Variants in EYA2 observed in about 807,000 individuals in gnomAD.
EYA2 encodes the protein protein phosphatase EYA2.
A neutral mutation model predicts 69.2 loss-of-function variants in EYA2; 31 were observed. That is an observed-to-expected ratio of 0.45 (90% confidence interval 0.34 to 0.60). The LOEUF (loss-of-function observed/expected upper bound fraction) is 0.60, where lower values mean the gene tolerates loss of function less well. EYA2 is among the 20% of genes least tolerant of loss of function. The probability of loss-of-function intolerance (pLI) is 0.02; values close to 1 mark genes in which losing one functional copy is unlikely to be tolerated. For synonymous variants in EYA2, 257 were observed against 279.4 expected (o/e 0.92, Z 0.80); for missense variants, 622 against 701.2 (o/e 0.89, Z 1.28).
In EYA2 at chr20:46,943,046, G is replaced by A. The variant is rs4589820; in HGVS notation, c.-10-46955G>A. Among the ~76,000 whole-genome samples the A allele has an allele frequency of 6.8e-3, 1,031 of 152,338 alleles. 16 individuals are homozygous for A. Among genetic ancestry groups the A allele is most frequent in the African/African-American group, 0.023 (963 of 41,572 alleles). On this transcript the variant is annotated intron_variant, in intron 1 of 15. Transcript: ENST00000327619. ...CTCCCAAAGTGCTGGGATTATGGGCGTGAGCCTGCGCTCCCGGCTGGTTCT... is the reference window on the plus strand; with the variant it reads ...CTCCCAAAGTGCTGGGATTATGGGCATGAGCCTGCGCTCCCGGCTGGTTCT...
rs1175447084 is a variant in EYA2, at chr20:47,166,409, A to T, written c.979-2730A>T. Among the ~76,000 whole-genome samples the T allele has an allele frequency of 1.1e-3, 142 of 129,924 alleles. 4 individuals carry two copies. Among genetic ancestry groups the T allele is most frequent in the South Asian group, 9.9e-3 (41 of 4,144 alleles). 85.2% of individuals were successfully genotyped at this position (129,924 alleles called of 152,430 possible). A position where few individuals can be genotyped will look rare whatever the true frequency, so the allele number is the denominator to read the frequency against. On this transcript the variant is annotated intron_variant, in intron 10 of 15. Transcript: ENST00000327619. Reference sequence around the variant, plus strand: ...AAGACTGTCTAAAAAAAAAAAAAAAAAAAAAAAAAAAAAAAAAAAAAAGCT... The same window carrying T: ...AAGACTGTCTAAAAAAAAAAAAAAATAAAAAAAAAAAAAAAAAAAAAAGCT...
At chr20:47,116,987 C>G (rs2032912225) in intron 9 of EYA2, among the ~76,000 whole-genome samples, 1 of 141,990 alleles carries the variant, frequency 7.0e-6, no homozygotes, top group African/African-American at 2.7e-5. Context: ...ACTGAACATG[C>G]ATCTGCATTT....
At chr20:46,959,012 A>G (rs997304821) in intron 1 of EYA2, among the ~76,000 whole-genome samples, 7 of 152,212 alleles carry the variant, frequency 4.6e-5, no homozygotes, top group Non-Finnish European at 1.0e-4. Context: ...ATACACGTGT[A>G]TGTGCCTTTA....
At chr20:46,915,174 G>A (rs1383300343) in intron 1 of EYA2, among the ~76,000 whole-genome samples, 3 of 152,168 alleles carry the variant, frequency 2.0e-5, no homozygotes, top group South Asian at 2.1e-4. Context: ...GTGTGTACTC[G>A]CAACAAGCAA....
chr20:47,135,804 A>G (rs1278779909), intron 9 of EYA2, among the ~76,000 whole-genome samples: 1 of 137,282 alleles, frequency 7.3e-6, no homozygotes, highest in Non-Finnish European at 1.6e-5. Context: ...CAACATAAGG[A>G]GACCCTGTCT....
At chr20:46,926,499 T>A (rs556784413) in intron 1 of EYA2, among the ~76,000 whole-genome samples, 1 of 152,340 alleles carries the variant, frequency 6.6e-6, no homozygotes, top group East Asian at 1.9e-4. Flanking sequence ...GAGAAATTCC[T>A]TCTTCTTCTT....
intron 1 of EYA2, among the ~76,000 whole-genome samples, chr20:46,964,681 C>A: frequency 6.6e-6 from 1 of 152,200 alleles, no homozygotes; most frequent in East Asian, 1.9e-4. Context: ...TCAGAACAAC[C>A]CCATTGGTAA....
At chr20:47,159,707 A>G (rs2034024891) in intron 10 of EYA2, among the ~76,000 whole-genome samples, 2 of 152,032 alleles carry the variant, frequency 1.3e-5, no homozygotes, top group Non-Finnish European at 2.9e-5. Context: ...AAACTATTCC[A>G]GGCCAGCCAC....
At chr20:47,005,477 T>A (rs1982648917) in intron 4 of EYA2, among the ~76,000 whole-genome samples, 1 of 152,208 alleles carries the variant, frequency 6.6e-6, no homozygotes, top group African/African-American at 2.4e-5. Context: ...AGATGGTGCC[T>A]GTCCACTCAA....
intron 9 of EYA2, among the ~76,000 whole-genome samples, chr20:47,100,921 T>C (rs2032405518): frequency 6.6e-6 from 1 of 152,244 alleles, no homozygotes; most frequent in African/African-American, 2.4e-5. Context: ...GACCACAGCC[T>C]CTACAGTCTT....
chr20:47,184,958 G>A (rs796802220), intron 15 of EYA2, among the ~76,000 whole-genome samples: 42 of 152,284 alleles, frequency 2.8e-4, no homozygotes, highest in African/African-American at 9.6e-4. Context: ...AAAAGTCCCA[G>A]TGTCTGAGGC....
chr20:47,065,883 A>G (rs944150271), intron 5 of EYA2, among the ~76,000 whole-genome samples: 2 of 152,158 alleles, frequency 1.3e-5, no homozygotes, highest in South Asian at 4.1e-4. Flanking sequence ...GTATCTGTTC[A>G]TTTGATTGTT....
chr20:47,078,018 A>G (rs748429287), intron 7 of EYA2, among the ~76,000 whole-genome samples: 2 of 152,236 alleles, frequency 1.3e-5, no homozygotes, highest in East Asian at 3.8e-4. Context: ...TGGCAAACGA[A>G]AAACTTACCT....
intron 1 of EYA2, among the ~76,000 whole-genome samples, chr20:46,924,399 G>T (rs962156720): frequency 1.3e-5 from 2 of 152,094 alleles, no homozygotes; most frequent in African/African-American, 4.8e-5. Flanking sequence ...GGCCGGGCAC[G>T]CTGGCTCACG....
chr20:47,150,519 G>A (rs1258130721), intron 10 of EYA2, among the ~76,000 whole-genome samples: 1 of 150,568 alleles, frequency 6.6e-6, no homozygotes, highest in Non-Finnish European at 1.5e-5. Flanking sequence ...CCAAGCTGGA[G>A]TGCAGTGGCA....
At chr20:47,118,318 T>C (rs6122554) in intron 9 of EYA2, among the ~76,000 whole-genome samples, 69,500 of 152,020 alleles carry the variant, frequency 0.46, 16,791 homozygotes, top group East Asian at 0.68. Flanking sequence ...TGATTGGGCT[T>C]CTCCAGCAGT....
intron 1 of EYA2, among the ~76,000 whole-genome samples, chr20:46,980,540 A>G (rs1351535545): frequency 6.6e-6 from 1 of 152,254 alleles, no homozygotes; most frequent in African/African-American, 2.4e-5. Flanking sequence ...ATACGTTCAT[A>G]TAATGTATAC....
Position 47,097,070 on chromosome 20 carries a change from T to G in EYA2, c.805-15T>G, listed in dbSNP as rs929948413. The G allele has an allele frequency of 6.2e-7, 1 of 1,602,742 alleles. No homozygotes were observed. Among genetic ancestry groups the G allele is most frequent in the Non-Finnish European group, 8.5e-7 (1 of 1,172,974 alleles). ...AGTCCATTTTTCTCCATTCTCTTCC[T>G]CTCTTTCATCACAGCGTGTGTTCGT... On this transcript the variant is annotated splice_polypyrimidine_tract_variant and intron_variant, in intron 8 of 15. Transcript: ENST00000327619.
chr20:47,145,647 C>A (rs556574623), intron 10 of EYA2, among the ~76,000 whole-genome samples: 3 of 152,194 alleles, frequency 2.0e-5, no homozygotes, highest in South Asian at 4.1e-4. Context: ...ACCTGTAATC[C>A]CAGCACTTTG....
Sources: gnomAD v4.1 joint callset for allele counts (sites outside exome capture counted in the v4.1 genomes callset) on GRCh38, gnomAD v4.1.1 for gene constraint, MANE v1.5 for transcripts, NCBI Gene and HGNC (gene_info 2026-07-23, HGNC 2026-07-21) for gene names.